CADPS2: variants seen among roughly 807,000 people sequenced by gnomAD.
CADPS2 encodes calcium dependent secretion activator 2, also known as calcium-dependent secretion activator 2.
CADPS2 carries 93 observed loss-of-function variants against 172.5 expected under a neutral mutation model. The ratio of observed to expected loss-of-function variants is 0.54; its 90% CI spans 0.46 to 0.64. The LOEUF (loss-of-function observed/expected upper bound fraction) is 0.64. Among genes scored for constraint, CADPS2 ranks in the 30% least tolerant of loss-of-function variants. The pLI is 0.00. For synonymous variants in CADPS2, 546 were observed against 555.2 expected, an observed-to-expected ratio of 0.98 and a Z score of 0.23; for missense variants, 1,420 against 1,565.9, an observed-to-expected ratio of 0.91 and a Z score of 1.57.
At chr7:122,670,938 C>A (rs1477533410) in intron 2 of CADPS2, among the ~76,000 whole-genome samples, 6 of 151,448 alleles carry the variant, frequency 4.0e-5, no homozygotes, top group Non-Finnish European at 7.4e-5. Context: ...CTTGCTGGAT[C>A]TCCGTGCTCC....
chr7:122,676,106 G>A (rs2082355760), intron 2 of CADPS2, among the ~76,000 whole-genome samples: 1 of 152,192 alleles, frequency 6.6e-6, no homozygotes, highest in Admixed American at 6.5e-5. Flanking sequence ...GTGGGGAGGA[G>A]AGCAGTAAAC....
intron 1 of CADPS2, among the ~76,000 whole-genome samples, chr7:122,802,629 A>ATGT (rs1194777505): frequency 6.6e-6 from 1 of 152,210 alleles, no homozygotes; most frequent in African/African-American, 2.4e-5. Context: ...CATCAGAACT[A>ATGT]TGTTCCAAGA....
intron 6 of CADPS2, among the ~76,000 whole-genome samples, chr7:122,599,799 T>C (rs2072475086): frequency 6.6e-6 from 1 of 152,092 alleles, no homozygotes; most frequent in Non-Finnish European, 1.5e-5. Flanking sequence ...TATACATACA[T>C]ATAGGATACA....
At chr7:122,360,889 C>T in intron 26 of CADPS2, 41 bp downstream of exon 26, 3 of 1,603,194 alleles carry the variant, frequency 1.9e-6, no homozygotes, top group Non-Finnish European at 1.7e-6. Flanking sequence ...ACTATGACAA[C>T]AGTTAAAAGA....
intron 2 of CADPS2, among the ~76,000 whole-genome samples, chr7:122,732,795 CATTATATATTATATACATAATGT>C (rs1192340113): frequency 7.2e-6 from 1 of 138,278 alleles, no homozygotes; most frequent in Non-Finnish European, 1.5e-5. Context: ...AATATATATA[CATTATATATTATATACATAATGT>C]ATATTATATA....
At chr7:122,383,404 A>G (rs1213181294) in intron 24 of CADPS2, among the ~76,000 whole-genome samples, 1 of 152,104 alleles carries the variant, frequency 6.6e-6, no homozygotes, top group Non-Finnish European at 1.5e-5. Flanking sequence ...CCCAGGTGTA[A>G]CAAAACTACA....
chr7:122,369,422 C>T (rs778569020), intron 25 of CADPS2, among the ~76,000 whole-genome samples: 11 of 152,258 alleles, frequency 7.2e-5, no homozygotes, highest in Non-Finnish European at 1.3e-4. Context: ...TGAGCCACTG[C>T]GCCCAGTCTT....
chr7:122,737,168 G>T, intron 1 of CADPS2, 100 bp from the exon 2 acceptor site: 1 of 641,014 alleles, frequency 1.6e-6, no homozygotes, highest in Non-Finnish European at 2.8e-6. Flanking sequence ...TTCACATCTA[G>T]AATTAACTTT....
At chr7:122,695,769 T>C (rs540201238) in intron 2 of CADPS2, among the ~76,000 whole-genome samples, 187 of 152,292 alleles carry the variant, frequency 1.2e-3, no homozygotes, top group South Asian at 1.9e-3. Context: ...CATAGAAGTA[T>C]GCACATGCCA....
rs996916949 is a variant in CADPS2 at position 122,554,589 on chromosome 7, G to T, written c.1436C>A (p.Ala479Glu). The change falls in exon 8 of 30, where the codon GCA becomes GAA. Residue 479 changes from alanine to glutamate, a missense_variant. Coordinates refer to ENST00000449022, the MANE Select transcript of CADPS2 (RefSeq NM_017954.11). Reference sequence around the variant, plus strand: ...ATGTGCTGGTTTATCCATTCGCACTGCCAGTTTGATTTTTAAGTCAGAATC... The same window carrying T: ...ATGTGCTGGTTTATCCATTCGCACTTCCAGTTTGATTTTTAAGTCAGAATC... ...SQDSDLKIKL[A>E]VRMDKPAHMK... 25 of 1,610,898 alleles carry T rather than the reference G, an allele frequency of 1.6e-5. No individual in the cohort carries two copies. The highest frequency in any genetic ancestry group is 1.7e-4 in the Middle Eastern group (1 of 6,060).
intron 2 of CADPS2, chr7:122,681,653 G>A: frequency 7.3e-7 from 1 of 1,368,162 alleles, no homozygotes; most frequent in Non-Finnish European, 1.0e-6. Context: ...CCCCACCAAA[G>A]CCCATGTAAG....
At chr7:122,632,347 C>A (rs1335270693) in intron 3 of CADPS2, among the ~76,000 whole-genome samples, 1 of 152,166 alleles carries the variant, frequency 6.6e-6, no homozygotes. Flanking sequence ...TTGCTTTTCT[C>A]TGCAGCCTCA....
intron 20 of CADPS2, among the ~76,000 whole-genome samples, chr7:122,398,409 TAGAA>T (rs143444984): frequency 0.012 from 1,776 of 152,314 alleles, 36 homozygotes; most frequent in African/African-American, 0.041. Context: ...AGTGGATTAC[TAGAA>T]AGAATGATTT....
intron 2 of CADPS2, among the ~76,000 whole-genome samples, chr7:122,705,483 A>C (rs2086861420): frequency 7.8e-6 from 1 of 128,336 alleles, no homozygotes; most frequent in African/African-American, 2.9e-5. Context: ...ATATATTTAT[A>C]TTATATATTA....
chr7:122,803,239 G>C lies in CADPS2; in HGVS notation c.340-66171C>G, dbSNP rs529309270. ...GCTCATAGAAACCCACTTAATCCCTGTCCTGCTGCTTTAAAAAATGCAAAA... is the reference window on the plus strand; with the variant it reads ...GCTCATAGAAACCCACTTAATCCCTCTCCTGCTGCTTTAAAAAATGCAAAA... On this transcript the variant is annotated intron_variant, in intron 1 of 29. Transcript: ENST00000449022. Among the ~76,000 whole-genome samples, 4 of 152,238 alleles carry C rather than the reference G, an allele frequency of 2.6e-5. No homozygotes were observed. The East Asian group carries it at 7.7e-4, about 29-fold the overall frequency.
intron 14 of CADPS2, 65 bp from the exon 15 acceptor site, chr7:122,451,540 A>T: frequency 3.4e-6 from 3 of 882,592 alleles, no homozygotes; most frequent in Non-Finnish European, 5.0e-6. Context: ...TATTTTATAC[A>T]TATGTATATT....
At chr7:122,675,656 C>T (rs375186524) in intron 2 of CADPS2, among the ~76,000 whole-genome samples, 1 of 152,148 alleles carries the variant, frequency 6.6e-6, no homozygotes, top group Non-Finnish European at 1.5e-5. Flanking sequence ...AGAATGAGTT[C>T]ATGTCCTCTG....
At chr7:122,584,367 G>A (rs2069320309) in intron 6 of CADPS2, among the ~76,000 whole-genome samples, 1 of 151,788 alleles carries the variant, frequency 6.6e-6, no homozygotes, top group Non-Finnish European at 1.5e-5. Context: ...TTTCATCTAA[G>A]TTTTTCAAAA....
chr7:122,542,597 TTATC>T (rs1180044076), intron 8 of CADPS2, among the ~76,000 whole-genome samples: 2 of 152,164 alleles, frequency 1.3e-5, no homozygotes, highest in East Asian at 1.9e-4. Context: ...GAGGATAACT[TTATC>T]TATATTCTTT....
Sources: allele counts gnomAD v4.1 joint callset (sites outside exome capture counted in the v4.1 genomes callset), GRCh38; gene constraint gnomAD v4.1.1; transcripts MANE v1.5; gene names NCBI Gene and HGNC (gene_info 2026-07-23, HGNC 2026-07-21).